Variants in BRD4 observed in about 807,000 individuals in gnomAD.
BRD4 encodes bromodomain-containing protein 4.
In BRD4, 16 loss-of-function variants were observed where a neutral mutation model predicts 142.1. The ratio of observed to expected loss-of-function variants is 0.11; its 90% CI spans 0.08 to 0.17. The LOEUF is 0.17. Among genes scored for constraint, BRD4 ranks in the 10% least tolerant of loss-of-function variants. BRD4 has a pLI of 1.00. For synonymous variants in BRD4, 833 were observed against 707.5 expected (o/e 1.18, Z -2.82); for missense variants, 1,424 against 1,810.9 (o/e 0.79, Z 3.88).
chr19:15,310,882 G>A (rs1237018267), intron 1 of BRD4, among the ~76,000 whole-genome samples: 3 of 152,152 alleles, frequency 2.0e-5, no homozygotes, highest in African/African-American at 4.8e-5. Flanking sequence ...ACTCTTCACC[G>A]ATGCCCAATA....
chr19:15,244,704 A>AT lies in BRD4; in HGVS notation c.2211+5dup, dbSNP rs1568378694. On this transcript the variant is annotated splice_donor_region_variant and intron_variant, in intron 12 of 19. Coordinates refer to ENST00000679869, the MANE Select transcript of BRD4 (RefSeq NM_001379291.1). ...CCTAATGAAGGATGCCCCTGAGCCC[A>AT]TGTACCTTCTTCTGCTCCCTCCCGG... 1 of 1,613,964 alleles carries AT rather than the reference A, an allele frequency of 6.2e-7. No individual in the cohort carries two copies. Among genetic ancestry groups the AT allele is most frequent in the Admixed American group, 1.7e-5 (1 of 59,996 alleles).
rs1273307048 is a variant in BRD4, at chr19:15,314,472, T to C, written c.-35+17818A>G. On this transcript the variant is annotated intron_variant, in intron 1 of 19. Transcript: ENST00000679869. ...TACACAGGGGCCTGGCTTTCTCAAGTCTGGGACCCTGCTGGGACTCTTATT... is the reference window on the plus strand; with the variant it reads ...TACACAGGGGCCTGGCTTTCTCAAGCCTGGGACCCTGCTGGGACTCTTATT... Among the ~76,000 whole-genome samples the C allele has an allele frequency of 2.6e-5, 4 of 152,244 alleles. No individual in the cohort carries two copies. In the East Asian group the frequency reaches 7.8e-4, roughly 30 times the overall value.
At chr19:15,261,408 G>C (rs1010626487) in intron 7 of BRD4, among the ~76,000 whole-genome samples, 2 of 152,084 alleles carry the variant, frequency 1.3e-5, no homozygotes, top group Non-Finnish European at 2.9e-5. Flanking sequence ...GCTTGAACCA[G>C]GAGGCGGAGG....
rs1027032368 is a variant in BRD4, at chr19:15,253,339, T to A, written c.2158+813A>T. On this transcript the variant is annotated intron_variant, in intron 11 of 19. Coordinates refer to ENST00000679869, the MANE Select transcript of BRD4 (RefSeq NM_001379291.1). ...GCGCCCCTGAGAATAATGAGGAAAGTGCACACTTGGAGGAGAGCAGTCCCC... is the reference window on the plus strand; with the variant it reads ...GCGCCCCTGAGAATAATGAGGAAAGAGCACACTTGGAGGAGAGCAGTCCCC... The A allele has an allele frequency of 6.8e-6, 4 of 584,690 alleles. No individual in the cohort carries two copies. In the Admixed American group the frequency reaches 1.3e-4, roughly 19 times the overall value. 36.2% of individuals were successfully genotyped at this position (584,690 alleles called of 1,614,324 possible).
At chr19:15,309,013 TCAACAAACAAAC>T (rs1250009256) in intron 1 of BRD4, among the ~76,000 whole-genome samples, 1 of 146,958 alleles carries the variant, frequency 6.8e-6, no homozygotes, top group East Asian at 2.0e-4. Flanking sequence ...AGACTCCATC[TCAACAAACAAAC>T]AAACAAACAA....
At chr19:15,331,276 G>A (rs925443929) in intron 1 of BRD4, among the ~76,000 whole-genome samples, 1 of 152,220 alleles carries the variant, frequency 6.6e-6, no homozygotes, top group Non-Finnish European at 1.5e-5. Context: ...ACAGAGTGGG[G>A]TTTCCCATCT....
chr19:15,244,087 T>C, intron 13 of BRD4, 144 bp downstream of exon 13: 2 of 1,431,172 alleles, frequency 1.4e-6, no homozygotes, highest in East Asian at 2.5e-5. Context: ...ACTTCCAAGA[T>C]GGCCTCGAGA....
chr19:15,282,316 A>G (rs1256392091), intron 1 of BRD4, among the ~76,000 whole-genome samples: 1 of 152,246 alleles, frequency 6.6e-6, no homozygotes, highest in African/African-American at 2.4e-5. Context: ...ATGTGATGTT[A>G]CATCAGAAAT....
In BRD4 at chr19:15,239,284, G is replaced by C. The variant is rs2047218838; in HGVS notation, c.3577-20C>G. ...CAGGTCCTGCAGAACAGAGAGGTTG[G>C]GGTGGGTGAGGGGTCTGCTGTGCCT... is the stretch of plus-strand genomic sequence containing the variant. On this transcript the variant is annotated intron_variant, in intron 17 of 19. Coordinates refer to ENST00000679869, the MANE Select transcript of BRD4 (RefSeq NM_001379291.1). The surrounding 1 kb of genome is among the most constrained non-coding windows in gnomAD (Gnocchi z 7.4). The C allele has an allele frequency of 6.2e-7, 1 of 1,613,080 alleles. No homozygotes were observed. Among genetic ancestry groups the C allele is most frequent in the Admixed American group, 1.7e-5 (1 of 59,986 alleles).
At chr19:15,245,034 C>T (rs1375994588) in intron 11 of BRD4, 10 of 571,876 alleles carry the variant, frequency 1.7e-5, no homozygotes, top group Admixed American at 1.3e-4. Flanking sequence ...ACGGTTGCAC[C>T]GGAAGCTGAG....
intron 4 of BRD4, among the ~76,000 whole-genome samples, chr19:15,267,022 C>T (rs1442042325): frequency 6.6e-6 from 1 of 152,168 alleles, no homozygotes; most frequent in Admixed American, 6.5e-5. Context: ...AATCACAAAC[C>T]TCAAAGTTTA....
chr19:15,255,221 G>T, intron 10 of BRD4, 76 bp downstream of exon 10: 1 of 1,386,052 alleles, frequency 7.2e-7, no homozygotes, highest in Non-Finnish European at 9.8e-7. Flanking sequence ...CAGAAAGAGT[G>T]GACTGAGCAA....
chr19:15,255,838 C>T (rs1365319865), intron 9 of BRD4, among the ~76,000 whole-genome samples: 1 of 152,246 alleles, frequency 6.6e-6, no homozygotes, highest in East Asian at 1.9e-4. Flanking sequence ...GCCTATCCTC[C>T]CCAACCAAAC....
At chr19:15,305,125 T>A (rs557064119) in intron 1 of BRD4, among the ~76,000 whole-genome samples, 117 of 151,454 alleles carry the variant, frequency 7.7e-4, no homozygotes, top group African/African-American at 2.8e-3. Context: ...TTCAAGCGAT[T>A]CTCCCGCCTC....
At chr19:15,277,659 G>A (rs1039749406) in intron 1 of BRD4, among the ~76,000 whole-genome samples, 1 of 149,468 alleles carries the variant, frequency 6.7e-6, no homozygotes, top group Non-Finnish European at 1.5e-5. Flanking sequence ...GCATGGTGGT[G>A]TACACCTGTG....
chr19:15,244,031 CG>C (rs2047262336), intron 13 of BRD4, among the ~76,000 whole-genome samples, 199 bp downstream of exon 13: 1 of 152,202 alleles, frequency 6.6e-6, no homozygotes, highest in Non-Finnish European at 1.5e-5. Context: ...TCTGAATCAA[CG>C]TGTTAATAAC....
At chr19:15,306,205 T>A (rs1208199595) in intron 1 of BRD4, among the ~76,000 whole-genome samples, 1 of 152,232 alleles carries the variant, frequency 6.6e-6, no homozygotes, top group Non-Finnish European at 1.5e-5. Context: ...GAGAACTCCT[T>A]TGCATTCACA....
chr19:15,237,796 C>T lies in BRD4; in HGVS notation c.*581G>A, dbSNP rs1163378672. On this transcript the variant is annotated 3_prime_UTR_variant, in exon 20 of 20. Coordinates refer to ENST00000679869, the MANE Select transcript of BRD4 (RefSeq NM_001379291.1). Reference sequence around the variant, plus strand: ...TCCCTTTTGCACAAGCAAACACTTACAGAGAGCGGCTCTCAATTAAAGGCT... The same window carrying T: ...TCCCTTTTGCACAAGCAAACACTTATAGAGAGCGGCTCTCAATTAAAGGCT... The T allele has an allele frequency of 4.3e-6, 1 of 233,138 alleles. No individual in the cohort carries two copies. The highest frequency in any genetic ancestry group is 6.1e-5 in the East Asian group (1 of 16,510). The allele number at this position is 233,138 out of a possible 1,614,324, so 14.4% of individuals were successfully genotyped here. A position where few individuals can be genotyped will look rare whatever the true frequency, so the allele number is the denominator to read the frequency against.
At chr19:15,246,029 C>G (rs77355930) in intron 11 of BRD4, among the ~76,000 whole-genome samples, 2 of 152,196 alleles carry the variant, frequency 1.3e-5, no homozygotes, top group Admixed American at 6.5e-5. Flanking sequence ...CACCACTCCA[C>G]GCCAGACAAG....
Sources: allele counts gnomAD v4.1 joint callset (sites outside exome capture counted in the v4.1 genomes callset), GRCh38; gene constraint gnomAD v4.1.1; non-coding constraint Gnocchi (gnomAD v3.1); transcripts MANE v1.5; gene names NCBI Gene and HGNC (gene_info 2026-07-23, HGNC 2026-07-21).